The following HNRNPR variants were observed in gnomAD, a reference collection of about 807,000 sequenced individuals.
HNRNPR encodes the protein heterogeneous nuclear ribonucleoprotein R.
In HNRNPR, 4 loss-of-function variants were observed where a neutral mutation model predicts 70.3. The ratio of observed to expected loss-of-function variants is 0.06; its 90% CI spans 0.03 to 0.13. The LOEUF is 0.13. Among genes scored for constraint, HNRNPR ranks in the 10% least tolerant of loss-of-function variants. The pLI is 1.00. For missense variants in HNRNPR, 423 were observed against 788.5 expected, an observed-to-expected ratio of 0.54 and a Z score of 5.55; for synonymous variants, 241 against 267.6, an observed-to-expected ratio of 0.90 and a Z score of 0.97.
intron 7 of HNRNPR, among the ~76,000 whole-genome samples, chr1:23,319,940 C>T (rs1162235949): frequency 2.0e-5 from 3 of 152,192 alleles, no homozygotes; most frequent in African/African-American, 7.2e-5. Context: ...GAAAAGTCTT[C>T]CAAAACCATG....
intron 2 of HNRNPR, among the ~76,000 whole-genome samples, chr1:23,339,002 G>A (rs1427539339): frequency 6.6e-6 from 1 of 152,134 alleles, no homozygotes; most frequent in Non-Finnish European, 1.5e-5. Context: ...GTTTTCCAAG[G>A]ATAAACCTTC....
intron 5 of HNRNPR, among the ~76,000 whole-genome samples, chr1:23,324,530 T>C (rs976692189): frequency 2.0e-5 from 3 of 152,160 alleles, no homozygotes; most frequent in African/African-American, 7.2e-5. Context: ...ATCGTGCCAC[T>C]GCACTCCAGC....
intron 4 of HNRNPR, among the ~76,000 whole-genome samples, chr1:23,335,580 G>C (rs1253040280): frequency 6.6e-6 from 1 of 152,120 alleles, no homozygotes; most frequent in African/African-American, 2.4e-5. Flanking sequence ...CTCACAGGAG[G>C]GTGAATCCTA....
intron 7 of HNRNPR, among the ~76,000 whole-genome samples, chr1:23,319,576 C>A (rs1391328532): frequency 2.6e-5 from 4 of 152,174 alleles, no homozygotes; most frequent in Admixed American, 1.3e-4. Context: ...TCAGCTTCCA[C>A]TCACACCCCT....
intron 5 of HNRNPR, among the ~76,000 whole-genome samples, chr1:23,324,003 C>T (rs2148391419): frequency 6.6e-6 from 1 of 152,050 alleles, no homozygotes; most frequent in African/African-American, 2.4e-5. Flanking sequence ...TATAACTTGA[C>T]TTTTTCTCAT....
In HNRNPR at chr1:23,305,195, A is replaced by G. The variant is rs1315810849; in HGVS notation, c.*5259T>C. 6.6e-6 allele frequency: 1 copy of G among 152,216 alleles called. No homozygotes were observed. Among genetic ancestry groups the G allele is most frequent in the Non-Finnish European group, 1.5e-5 (1 of 68,022 alleles). The allele number at this position is 152,216 out of a possible 1,614,324, so 9.4% of individuals were successfully genotyped here. A position where few individuals can be genotyped will look rare whatever the true frequency, so the allele number is the denominator to read the frequency against. On this transcript the variant is annotated 3_prime_UTR_variant, in exon 11 of 11. Coordinates refer to ENST00000302271, the MANE Select transcript of HNRNPR (RefSeq NM_005826.5). ...TGGCATTGCATTTTCCTTAACTTACATAAACTCATCAGAATTACATGAATA... is the reference window on the plus strand; with the variant it reads ...TGGCATTGCATTTTCCTTAACTTACGTAAACTCATCAGAATTACATGAATA...
Position 23,332,833 on chromosome 1 carries a change from G to A in HNRNPR, c.498+685C>T, listed in dbSNP as rs923588399. Among the ~76,000 whole-genome samples the A allele has an allele frequency of 5.3e-5, 8 of 152,192 alleles. No homozygotes were observed. In the East Asian group the frequency reaches 1.5e-3, roughly 29 times the overall value. ...AGGCCAGCAGTTCAAGACCAGCCTGGGCAACACAGTGAGACCTGGTCTCTA... is the reference window on the plus strand; with the variant it reads ...AGGCCAGCAGTTCAAGACCAGCCTGAGCAACACAGTGAGACCTGGTCTCTA... On this transcript the variant is annotated intron_variant, in intron 5 of 10. Coordinates refer to ENST00000302271, the MANE Select transcript of HNRNPR (RefSeq NM_005826.5).
Position 23,323,721 on chromosome 1 carries a change from G to A in HNRNPR, c.510C>T (p.Gly170=), listed in dbSNP as rs1346178560. 1.2e-6 allele frequency: 2 copies of A among 1,613,380 alleles called. No individual in the cohort carries two copies. The highest frequency in any genetic ancestry group is 2.2e-5 in the East Asian group (1 of 44,876). Reference sequence around the variant, plus strand: ...CCTCATATAAATCCCTTGGTATTTTGCCTACAAATACCTGAAATAAAACCC... The same window carrying A: ...CCTCATATAAATCCCTTGGTATTTTACCTACAAATACCTGAAATAAAACCC... The part of the protein sequence containing the change: ...QPGIGTEVFV[G]KIPRDLYEDE... The change falls in exon 6 of 11, where the codon GGC becomes GGT. Residue 170 remains glycine (G), a synonymous_variant. Coordinates refer to ENST00000302271, the MANE Select transcript of HNRNPR (RefSeq NM_005826.5).
At chr1:23,334,996 C>A (rs1422440194) in intron 4 of HNRNPR, among the ~76,000 whole-genome samples, 2 of 152,092 alleles carry the variant, frequency 1.3e-5, no homozygotes, top group African/African-American at 4.8e-5. Context: ...TGGCTCACTG[C>A]AAGCTCCGCC....
intron 7 of HNRNPR, among the ~76,000 whole-genome samples, chr1:23,320,938 G>A (rs1385515018): frequency 1.3e-5 from 2 of 152,022 alleles, no homozygotes; most frequent in African/African-American, 2.4e-5. Context: ...AGGCCGAGGC[G>A]GGAGGATCAC....
intron 4 of HNRNPR, among the ~76,000 whole-genome samples, chr1:23,336,116 C>CAAAAAAAAAAAAAAAAAAAAAA (rs71020498): frequency 2.0e-5 from 1 of 49,482 alleles, no homozygotes; most frequent in African/African-American, 8.1e-5. Context: ...GACTCCGTCT[C>CAAAAAAAAAAAAAAAAAAAAAA]AAAAAAAAAA....
chr1:23,343,833 G>T (rs1397457947), intron 1 of HNRNPR, among the ~76,000 whole-genome samples: 1 of 152,168 alleles, frequency 6.6e-6, no homozygotes, highest in Non-Finnish European at 1.5e-5. Flanking sequence ...CGGCCGCGGC[G>T]GGAGCGAAGC....
rs575810058 is a variant in HNRNPR, at chr1:23,308,000, T to C, written c.*2454A>G. On this transcript the variant is annotated 3_prime_UTR_variant, in exon 11 of 11. Transcript: ENST00000302271. Reference sequence around the variant, plus strand: ...TATATTACACTGTTAGATTTATTTATGTGAAAAGTTGAGCTCTGAATCTAT... The same window carrying C: ...TATATTACACTGTTAGATTTATTTACGTGAAAAGTTGAGCTCTGAATCTAT... The C allele has an allele frequency of 3.3e-5, 5 of 152,204 alleles. No homozygotes were observed. In the East Asian group the frequency reaches 7.7e-4, roughly 23 times the overall value. The allele number at this position is 152,204 out of a possible 1,614,324, so 9.4% of individuals were successfully genotyped here. A position where few individuals can be genotyped will look rare whatever the true frequency, so the allele number is the denominator to read the frequency against.
At chr1:23,330,633 TCAGA>T (rs1033678258) in intron 5 of HNRNPR, among the ~76,000 whole-genome samples, 3 of 152,184 alleles carry the variant, frequency 2.0e-5, no homozygotes, top group South Asian at 2.1e-4. Context: ...GTCTGAGAGC[TCAGA>T]CACACTAAAA....
In HNRNPR at chr1:23,309,192, A is replaced by AT. The variant is rs1645252199; in HGVS notation, c.*1261dup. ...AGAAAGTCAAAGGTATTACTACTGG[A>AT]TATTTTTAAGCCTCTCTTACAAGGC... On this transcript the variant is annotated 3_prime_UTR_variant, in exon 11 of 11. Coordinates refer to ENST00000302271, the MANE Select transcript of HNRNPR (RefSeq NM_005826.5). The AT allele has an allele frequency of 6.6e-6, 1 of 152,166 alleles. No homozygotes were observed. The highest frequency in any genetic ancestry group is 6.5e-5 in the Admixed American group (1 of 15,282). The allele number at this position is 152,166 out of a possible 1,614,324, so 9.4% of individuals were successfully genotyped here.
chr1:23,310,370 C>G lies in HNRNPR; in HGVS notation c.*84G>C. 1.5e-6 allele frequency: 2 copies of G among 1,359,600 alleles called. No individual in the cohort carries two copies. The highest frequency in any genetic ancestry group is 2.0e-6 in the Non-Finnish European group (2 of 1,006,224). The allele number at this position is 1,359,600 out of a possible 1,614,324, so 84.2% of individuals were successfully genotyped here. A position where few individuals can be genotyped will look rare whatever the true frequency, so the allele number is the denominator to read the frequency against. On this transcript the variant is annotated 3_prime_UTR_variant, in exon 11 of 11. Coordinates refer to ENST00000302271, the MANE Select transcript of HNRNPR (RefSeq NM_005826.5). The surrounding 1 kb of genome is among the most constrained non-coding windows in gnomAD (Gnocchi z 6.0). ...AGCAAAATGCTACTTAAAGATGAAACAGTTAAGCCAATTTTTTTTTTTGAA... is the reference window on the plus strand; with the variant it reads ...AGCAAAATGCTACTTAAAGATGAAAGAGTTAAGCCAATTTTTTTTTTTGAA...
At chr1:23,327,992 T>A (rs1195190634) in intron 5 of HNRNPR, among the ~76,000 whole-genome samples, 1 of 62,414 alleles carries the variant, frequency 1.6e-5, no homozygotes, top group East Asian at 3.8e-4. Flanking sequence ...CAAGACTCTG[T>A]CTCAAAAAAA....
rs536400663 is a variant in HNRNPR at position 23,329,841 on chromosome 1, G to A, written c.498+3677C>T. Among the ~76,000 whole-genome samples, 4 of 152,250 alleles carry A rather than the reference G, an allele frequency of 2.6e-5. No individual in the cohort carries two copies. In the South Asian group the frequency reaches 8.3e-4, roughly 32 times the overall value. On this transcript the variant is annotated intron_variant, in intron 5 of 10. Transcript: ENST00000302271. ...AGACAGGGTCTCCTTATGTTAGCCA[G>A]GTTGGTCTCAAACACCTGGGTTCAA...
At position 23,310,708 on chromosome 1, in the gene HNRNPR, C is replaced by G. The variant is rs1426244856; in HGVS notation, c.1648G>C (p.Ala550Pro). ...GAACCACGGCCTCTCTGCTGTTGAG[C>G]AGGACCCCCTCTGCCACCCCTAGAG... ...RGSRGGRGGP[A>P]QQQRGRGSRG... The change falls in exon 11 of 11, where the codon GCT (alanine) becomes CCT (proline). Residue 550 changes from alanine to proline, a missense_variant. By Grantham distance (27) the Ala-to-Pro change is conservative (BLOSUM62 -1). Coordinates refer to ENST00000302271, the MANE Select transcript of HNRNPR (RefSeq NM_005826.5). The surrounding 1 kb of genome is among the most constrained non-coding windows in gnomAD (Gnocchi z 6.0). The G allele has an allele frequency of 3.6e-5, 58 of 1,613,442 alleles. No homozygotes were observed. Among genetic ancestry groups the G allele is most frequent in the Non-Finnish European group, 4.6e-5 (54 of 1,179,752 alleles).
Sources: gnomAD v4.1 joint callset for allele counts (sites outside exome capture counted in the v4.1 genomes callset) on GRCh38, gnomAD v4.1.1 for gene constraint, Gnocchi (gnomAD v3.1) non-coding constraint, MANE v1.5 for transcripts, NCBI Gene and HGNC (gene_info 2026-07-23, HGNC 2026-07-21) for gene names.